The following DPH6 variants were observed in gnomAD, a reference collection of about 807,000 sequenced individuals.
DPH6 encodes diphthamine biosynthesis 6, also known as diphthine--ammonia ligase.
In DPH6, 33 loss-of-function variants were observed where a neutral mutation model predicts 38.2. The observed-to-expected ratio is 0.86, with a 90% CI of 0.65 to 1.15. The LOEUF is 1.15. Among genes scored for constraint, DPH6 ranks in the 50% most tolerant of loss-of-function variants. The pLI, the probability that DPH6 is intolerant of heterozygous loss-of-function variation, is 0.00. For missense variants in DPH6, 325 were observed against 320.0 expected (o/e 1.02, Z -0.12); for synonymous variants, 108 against 103.0 (o/e 1.05, Z -0.30).
chr15:35,481,453 C>A (rs1169202797), intron 3 of DPH6, among the ~76,000 whole-genome samples: 2 of 152,078 alleles, frequency 1.3e-5, no homozygotes, highest in Non-Finnish European at 2.9e-5. Flanking sequence ...CATGAAACTT[C>A]TTTGGATCTT....
chr15:35,458,827 A>G (rs957965741), intron 3 of DPH6, among the ~76,000 whole-genome samples: 4 of 152,234 alleles, frequency 2.6e-5, no homozygotes, highest in Admixed American at 1.3e-4. Flanking sequence ...GTTAAAATAC[A>G]TAATGCAATC....
chr15:35,461,072 C>CTTAT (rs1222006455), intron 3 of DPH6, among the ~76,000 whole-genome samples: 1 of 152,020 alleles, frequency 6.6e-6, no homozygotes, highest in African/African-American at 2.4e-5. Context: ...TCTCAGAATA[C>CTTAT]TTATTTATTT....
chr15:35,410,830 C>T lies in DPH6; in HGVS notation c.567+5G>A, dbSNP rs777576345. 1 of 1,594,008 alleles carries T rather than the reference C, an allele frequency of 6.3e-7. No individual in the cohort carries two copies. ...TACATTTTGAGATCTAGTATAAATT[C>T]TTACCTCTATGAGATAAGGCTCCAT... On this transcript the variant is annotated splice_donor_5th_base_variant and intron_variant, in intron 6 of 8. Transcript: ENST00000256538.
intron 3 of DPH6, among the ~76,000 whole-genome samples, chr15:35,504,039 A>T (rs2054661994): frequency 6.6e-6 from 1 of 152,066 alleles, no homozygotes; most frequent in African/African-American, 2.4e-5. Flanking sequence ...ACTATCTTCT[A>T]TTCTGAGATA....
intron 3 of DPH6, among the ~76,000 whole-genome samples, chr15:35,514,045 A>T (rs1010136895): frequency 6.6e-6 from 1 of 152,066 alleles, no homozygotes; most frequent in Admixed American, 6.5e-5. Flanking sequence ...TTATAGTCAC[A>T]CTAAATTTGT....
intron 3 of DPH6, among the ~76,000 whole-genome samples, chr15:35,309,859 T>C (rs2052125332): frequency 1.3e-5 from 2 of 152,230 alleles, no homozygotes. Context: ...CCTTTAGAAT[T>C]AATCAGATGT....
chr15:35,246,093 A>C (rs1753537937), intron 3 of DPH6, among the ~76,000 whole-genome samples: 1 of 152,042 alleles, frequency 6.6e-6, no homozygotes, highest in Non-Finnish European at 1.5e-5. Context: ...AACCCCTTTG[A>C]CTGTAATTTT....
intron 3 of DPH6, among the ~76,000 whole-genome samples, chr15:35,307,658 G>A (rs761022833): frequency 2.0e-5 from 3 of 152,066 alleles, no homozygotes; most frequent in Non-Finnish European, 2.9e-5. Context: ...AGGTATTGTA[G>A]TATATAGGAG....
At position 35,334,437 on chromosome 15, in the gene DPH6, G is replaced by A. The variant is rs557450182; in HGVS notation, n.208-3360C>T. On this transcript the variant is annotated intron_variant and non_coding_transcript_variant, in intron 3 of 3. Transcript: ENST00000558973. ...AAGTTCAGGGGTAAATGTGCAGGAT[G>A]TGCAGGTTTGTAACATAGGTAAATG... Among the ~76,000 whole-genome samples, 4 of 152,102 alleles carry A rather than the reference G, an allele frequency of 2.6e-5. No individual in the cohort carries two copies. The South Asian group carries it at 8.3e-4, about 32-fold the overall frequency.
chr15:35,469,086 A>ACAACAC (rs2054165622), intron 3 of DPH6, among the ~76,000 whole-genome samples: 1 of 151,732 alleles, frequency 6.6e-6, no homozygotes, highest in African/African-American at 2.4e-5. Context: ...AACAACAACA[A>ACAACAC]CAACAACAAC....
chr15:35,486,346 C>A (rs1039321350), intron 3 of DPH6, among the ~76,000 whole-genome samples: 2 of 151,606 alleles, frequency 1.3e-5, no homozygotes, highest in African/African-American at 2.4e-5. Flanking sequence ...GGCGACACAG[C>A]CAACCCATAT....
chr15:35,367,799 A>G (rs1356633345), downstream of DPH6, among the ~76,000 whole-genome samples: 7 of 151,834 alleles, frequency 4.6e-5, no homozygotes, highest in Non-Finnish European at 7.4e-5. Flanking sequence ...TACACTAACA[A>G]TATTTTTAAA....
intron 3 of DPH6, among the ~76,000 whole-genome samples, chr15:35,517,616 A>G (rs1199196286): frequency 6.6e-6 from 1 of 152,100 alleles, no homozygotes; most frequent in Non-Finnish European, 1.5e-5. Context: ...TGATAAAAAG[A>G]TACTTTCACA....
chr15:35,326,718 G>T (rs954531389), downstream of DPH6, among the ~76,000 whole-genome samples: 1 of 152,180 alleles, frequency 6.6e-6, no homozygotes, highest in Non-Finnish European at 1.5e-5. Flanking sequence ...TTACAGGCAT[G>T]AGCCACCATG....
At chr15:35,378,287 A>C (rs570781160) in intron 7 of DPH6, among the ~76,000 whole-genome samples, 479 of 152,336 alleles carry the variant, frequency 3.1e-3, no homozygotes, top group African/African-American at 0.011. Context: ...ATACCATCTC[A>C]CGCCAGTTAG....
the DPH6 span, among the ~76,000 whole-genome samples, chr15:35,201,680 G>T: frequency 1.4e-4 from 21 of 151,566 alleles, 3 homozygotes; most frequent in East Asian, 7.7e-4. Context: ...TCTTATTCAG[G>T]ATATTACCGG....
intron 5 of DPH6, among the ~76,000 whole-genome samples, chr15:35,418,166 G>A (rs1023384662): frequency 8.6e-5 from 13 of 151,968 alleles, no homozygotes; most frequent in East Asian, 1.9e-4. Context: ...ACAATTTACC[G>A]CTTGAGCCAG....
chr15:35,414,070 A>G lies in DPH6; in HGVS notation c.506-3174T>C, dbSNP rs1020396839. 2.6e-5 allele frequency among the ~76,000 whole-genome samples: 4 copies of G among 151,306 alleles called. No homozygotes were observed. The South Asian group carries it at 8.3e-4, about 31-fold the overall frequency. On this transcript the variant is annotated intron_variant, in intron 5 of 8. Coordinates refer to ENST00000256538, the MANE Select transcript of DPH6 (RefSeq NM_080650.4). The stretch of plus-strand genomic sequence containing the variant: ...CATCATTACTATTATTATTGTGTTG[A>G]ATTTTTGTTCCATTATTTTTAGCAA...
At chr15:35,506,259 TAA>T (rs993474205) in intron 3 of DPH6, among the ~76,000 whole-genome samples, 1 of 151,996 alleles carries the variant, frequency 6.6e-6, no homozygotes, top group Non-Finnish European at 1.5e-5. Flanking sequence ...AATGTTTTTT[TAA>T]AAAAAACTCT....
Sources: gnomAD v4.1 joint callset for allele counts (sites outside exome capture counted in the v4.1 genomes callset) on GRCh38, gnomAD v4.1.1 for gene constraint, MANE v1.5 for transcripts, NCBI Gene and HGNC (gene_info 2026-07-23, HGNC 2026-07-21) for gene names.